Variants in GRIK2 observed in about 807,000 individuals in gnomAD.
GRIK2 encodes the protein glutamate ionotropic receptor kainate type subunit 2.
Under a neutral mutation model 100.3 loss-of-function variants are expected in GRIK2, and 32 were observed. The ratio of observed to expected loss-of-function variants is 0.32; its 90% CI spans 0.24 to 0.43. The LOEUF (loss-of-function observed/expected upper bound fraction) is 0.43. GRIK2 is among the 20% of genes least tolerant of loss of function. GRIK2 has a pLI of 1.00. For missense variants in GRIK2, 843 were observed against 1,114.9 expected (o/e 0.76, Z 3.47); for synonymous variants, 417 against 389.4 (o/e 1.07, Z -0.83).
chr6:101,773,255 C>A (rs973327903), intron 7 of GRIK2, among the ~76,000 whole-genome samples: 4 of 151,972 alleles, frequency 2.6e-5, no homozygotes, highest in Admixed American at 6.6e-5. Context: ...CCGAGGCGGG[C>A]GGATCACGAG....
intron 2 of GRIK2, among the ~76,000 whole-genome samples, chr6:101,543,465 A>G (rs146793132): frequency 2.6e-5 from 4 of 152,234 alleles, no homozygotes; most frequent in African/African-American, 9.6e-5. Flanking sequence ...TTCATACATG[A>G]TCTGAACAAT....
intron 14 of GRIK2, among the ~76,000 whole-genome samples, chr6:102,031,537 G>A (rs528018689): frequency 6.6e-6 from 1 of 151,256 alleles, no homozygotes; most frequent in East Asian, 2.0e-4. Flanking sequence ...ATTATGTGAT[G>A]CTGAGGTTTG....
chr6:101,979,584 T>G (rs1003048430), intron 14 of GRIK2, among the ~76,000 whole-genome samples: 3 of 151,862 alleles, frequency 2.0e-5, no homozygotes, highest in African/African-American at 7.2e-5. Context: ...TCTTAATCCC[T>G]CTTGATGGAG....
chr6:101,919,314 G>T (rs531506426), intron 12 of GRIK2, among the ~76,000 whole-genome samples: 1 of 151,610 alleles, frequency 6.6e-6, no homozygotes, highest in South Asian at 2.1e-4. Flanking sequence ...CAATGAAGTC[G>T]GTAAGATGAA....
At chr6:102,063,983 C>A in intron 16 of GRIK2, 3 of 1,546,390 alleles carry the variant, frequency 1.9e-6, no homozygotes, top group Non-Finnish European at 1.8e-6. Flanking sequence ...TTGGTTAGTG[C>A]CACCATACCA....
intron 2 of GRIK2, among the ~76,000 whole-genome samples, chr6:101,594,327 T>C (rs1778806528): frequency 6.6e-6 from 1 of 151,790 alleles, no homozygotes; most frequent in Non-Finnish European, 1.5e-5. Flanking sequence ...TGTTATTTAG[T>C]ATTTAACATG....
Position 101,589,384 on chromosome 6 carries a change from G to T in GRIK2, c.116-32565G>T, listed in dbSNP as rs535509816. Among the ~76,000 whole-genome samples, 7 of 152,132 alleles carry T rather than the reference G, an allele frequency of 4.6e-5. No individual in the cohort carries two copies. In the East Asian group the frequency reaches 1.4e-3, roughly 30 times the overall value. ...ACTATAGCCACCATGTTGCACAATA[G>T]ATCTCTTGAACTTTTTCCACCTATC... On this transcript the variant is annotated intron_variant, in intron 2 of 16. Coordinates refer to ENST00000369134, the MANE Select transcript of GRIK2 (RefSeq NM_021956.5).
intron 2 of GRIK2, among the ~76,000 whole-genome samples, chr6:101,515,503 T>C (rs374391933): frequency 1.3e-5 from 2 of 152,142 alleles, no homozygotes; most frequent in Non-Finnish European, 2.9e-5. Flanking sequence ...CGGTTTTCTA[T>C]AGTGGCTGTA....
In GRIK2 at chr6:101,964,366, C is replaced by T. The variant is rs115622373; in HGVS notation, c.2085+35734C>T. On this transcript the variant is annotated intron_variant, in intron 14 of 16. Coordinates refer to ENST00000369134, the MANE Select transcript of GRIK2 (RefSeq NM_021956.5). ...AGGAGGTTTGTGAAGGTCCTCTGAT[C>T]CCAGTTAGAAGTGGATTTTCCTTGT... 1.5e-3 allele frequency among the ~76,000 whole-genome samples: 235 copies of T among 152,068 alleles called. 1 individual carries two copies. The highest frequency in any genetic ancestry group is 5.4e-3 in the African/African-American group (224 of 41,492).
At chr6:101,520,142 G>A (rs1774807570) in intron 2 of GRIK2, among the ~76,000 whole-genome samples, 1 of 148,142 alleles carries the variant, frequency 6.8e-6, no homozygotes, top group South Asian at 2.2e-4. Context: ...ATAGTGTATG[G>A]AATAATCAAT....
intron 7 of GRIK2, among the ~76,000 whole-genome samples, chr6:101,739,233 T>G (rs544799114): frequency 4.7e-4 from 72 of 152,342 alleles, no homozygotes; most frequent in African/African-American, 1.7e-3. Context: ...TTTTACTCTC[T>G]TGTTTCTGCC....
chr6:101,887,666 T>TA (rs1247790748), intron 11 of GRIK2, among the ~76,000 whole-genome samples: 3 of 152,092 alleles, frequency 2.0e-5, no homozygotes, highest in Non-Finnish European at 2.9e-5. Flanking sequence ...TCAGGAAACT[T>TA]ACAATCCTGG....
At chr6:101,727,909 C>T (rs1774986317) in intron 7 of GRIK2, among the ~76,000 whole-genome samples, 1 of 151,966 alleles carries the variant, frequency 6.6e-6, no homozygotes, top group Non-Finnish European at 1.5e-5. Context: ...GGGAACTGTA[C>T]ACAGGCTAAT....
At chr6:101,940,001 T>A (rs1790860657) in intron 14 of GRIK2, among the ~76,000 whole-genome samples, 1 of 151,812 alleles carries the variant, frequency 6.6e-6, no homozygotes, top group Non-Finnish European at 1.5e-5. Flanking sequence ...ATGATGAGAG[T>A]TGTGTTGAAG....
chr6:101,750,500 G>A (rs1478928459), intron 7 of GRIK2, among the ~76,000 whole-genome samples: 1 of 152,160 alleles, frequency 6.6e-6, no homozygotes, highest in Admixed American at 6.5e-5. Flanking sequence ...GGAATCCTTT[G>A]TCCTCTCAGT....
intron 14 of GRIK2, among the ~76,000 whole-genome samples, chr6:101,992,474 A>T (rs1794430248): frequency 6.6e-6 from 1 of 151,692 alleles, no homozygotes; most frequent in Admixed American, 6.6e-5. Flanking sequence ...AAGAGCAAAA[A>T]TAATGAGCCC....
intron 7 of GRIK2, among the ~76,000 whole-genome samples, chr6:101,765,383 A>G (rs1229591871): frequency 1.3e-5 from 2 of 152,078 alleles, no homozygotes; most frequent in Non-Finnish European, 2.9e-5. Flanking sequence ...TGCTTTTTTA[A>G]TGTGTGTTTC....
intron 14 of GRIK2, among the ~76,000 whole-genome samples, chr6:101,949,562 T>TG (rs1192434231): frequency 6.6e-6 from 1 of 152,110 alleles, no homozygotes; most frequent in Non-Finnish European, 1.5e-5. Flanking sequence ...CCTGTGTCCA[T>TG]GCGTTCTCAT....
chr6:101,727,930 A>G (rs1286153630), intron 7 of GRIK2, among the ~76,000 whole-genome samples: 1 of 152,096 alleles, frequency 6.6e-6, no homozygotes, highest in African/African-American at 2.4e-5. Flanking sequence ...GTTTAGCACA[A>G]AAAATGATAA....
Sources: gnomAD v4.1 joint callset for allele counts (sites outside exome capture counted in the v4.1 genomes callset) on GRCh38, gnomAD v4.1.1 for gene constraint, MANE v1.5 for transcripts, NCBI Gene and HGNC (gene_info 2026-07-23, HGNC 2026-07-21) for gene names.